LRPPRC: variants seen among roughly 807,000 people sequenced by gnomAD.
The protein encoded by LRPPRC is leucine rich pentatricopeptide repeat containing, also known as leucine-rich PPR motif-containing protein, mitochondrial.
A neutral mutation model predicts 180.3 loss-of-function variants in LRPPRC; 120 were observed. That is an observed-to-expected ratio of 0.67 (90% CI 0.57 to 0.77). The LOEUF is 0.77. LRPPRC is among the 30% of genes least tolerant of loss of function. LRPPRC has a pLI of 0.00. For synonymous variants in LRPPRC, 723 were observed against 600.0 expected (o/e 1.21, Z -3.00); for missense variants, 2,012 against 1,657.2 (o/e 1.21, Z -3.72).
At chr2:43,992,407 C>T (rs1045038472) in intron 1 of LRPPRC, among the ~76,000 whole-genome samples, 7 of 152,332 alleles carry the variant, frequency 4.6e-5, no homozygotes, top group African/African-American at 1.7e-4. Flanking sequence ...AAGTAGTAGT[C>T]TGGTACGGCT....
intron 23 of LRPPRC, among the ~76,000 whole-genome samples, chr2:43,941,212 T>G (rs1321045293): frequency 6.6e-6 from 1 of 152,170 alleles, no homozygotes; most frequent in Admixed American, 6.6e-5. Context: ...CTCCTGTGTT[T>G]TGTCCAATGC....
At position 43,975,983 on chromosome 2, in the gene LRPPRC, G is replaced by T. The variant is rs186421721; in HGVS notation, c.737+160C>A. Among the ~76,000 whole-genome samples, 4 of 152,266 alleles carry T rather than the reference G, an allele frequency of 2.6e-5. No homozygotes were observed. In the East Asian group the frequency reaches 5.8e-4, roughly 22 times the overall value. ...AGTATGCTCTACCTCATATACTACA[G>T]ATTTTTTTTTGAAGGGATAGACAAA... is the stretch of plus-strand genomic sequence containing the variant. On this transcript the variant is annotated intron_variant, in intron 6 of 37. Coordinates refer to ENST00000260665, the MANE Select transcript of LRPPRC (RefSeq NM_133259.4).
In LRPPRC at chr2:43,899,490, G is replaced by T. The variant is rs1670810579; in HGVS notation, c.3685C>A (p.Gln1229Lys). The T allele has an allele frequency of 2.5e-6, 4 of 1,613,926 alleles. No individual in the cohort carries two copies. The highest frequency in any genetic ancestry group is 1.3e-5 in the African/African-American group (1 of 74,912). Residue 1229 changes from glutamine (Q) to lysine (K), a missense_variant, in exon 33 of 38, where the codon CAG becomes AAG. By Grantham distance (53) the Gln-to-Lys change is moderately conservative. Transcript: ENST00000260665. Reference sequence around the variant, plus strand: ...CTCTTTTCAACTGCTGGTTCCAACTGCTCCTCTATTACTTTTCTGAATAAG... The same window carrying T: ...CTCTTTTCAACTGCTGGTTCCAACTTCTCCTCTATTACTTTTCTGAATAAG... ...AYLFRKVIEE[Q>K]LEPAVEKISI...
intron 1 of LRPPRC, among the ~76,000 whole-genome samples, chr2:43,989,061 A>T (rs557220631): frequency 6.6e-6 from 1 of 152,130 alleles, no homozygotes; most frequent in East Asian, 1.9e-4. Flanking sequence ...TTCTAGAGAC[A>T]GGAGTCTCAC....
In LRPPRC at chr2:43,922,874, A is replaced by T. The variant is rs538563990; in HGVS notation, c.2896+2193T>A. ...CTTCAGAAAGGAAAGGATTAGGGCT[A>T]TCATAACCAGATTATCCATTTATAA... On this transcript the variant is annotated intron_variant, in intron 27 of 37. Transcript: ENST00000260665. Among the ~76,000 whole-genome samples the T allele has an allele frequency of 3.9e-5, 6 of 152,360 alleles. No individual in the cohort carries two copies. In the East Asian group the frequency reaches 1.2e-3, roughly 29 times the overall value.
intron 26 of LRPPRC, 38 bp downstream of exon 26, chr2:43,925,855 A>G: frequency 1.4e-6 from 2 of 1,419,576 alleles, no homozygotes; most frequent in Non-Finnish European, 2.0e-6. Context: ...TTCTACTCAC[A>G]CTTTTAGGTG....
chr2:43,982,330 C>T lies in LRPPRC; in HGVS notation c.254G>A (p.Trp85Ter), dbSNP rs1453934366. 4 of 1,613,050 alleles carry T rather than the reference C, an allele frequency of 2.5e-6. No homozygotes were observed. The highest frequency in any genetic ancestry group is 3.4e-6 in the Non-Finnish European group (4 of 1,179,360). Residue 85 changes from tryptophan (W) to a stop codon, truncating the protein, a stop_gained, in exon 2 of 38, where the codon TGG (tryptophan) becomes TAG (stop). Transcript: ENST00000260665. LOFTEE classifies it high-confidence loss of function. ...SSRKISNQFD[W>*]ALMRLDLSVR... ...AGAAAGATCTAGTCTCATTAGAGCC[C>T]AATCAAACTGATTGGAAATCTTCCT... is the stretch of plus-strand genomic sequence containing the variant.
intron 29 of LRPPRC, among the ~76,000 whole-genome samples, chr2:43,912,830 G>C (rs780335287): frequency 2.0e-5 from 3 of 152,076 alleles, no homozygotes; most frequent in Non-Finnish European, 4.4e-5. Context: ...TTCTTAAGTT[G>C]ATACATTATT....
chr2:43,987,491 CAAAAA>C (rs34151335), intron 1 of LRPPRC, among the ~76,000 whole-genome samples: 23 of 75,928 alleles, frequency 3.0e-4, no homozygotes, highest in African/African-American at 1.2e-3. Flanking sequence ...CCAGACTCCT[CAAAAA>C]AAAAAAAAAA....
chr2:43,925,100 C>G lies in LRPPRC; in HGVS notation c.2863G>C (p.Asp955His). Residue 955 changes from aspartate (D) to histidine (H), a missense_variant, in exon 27 of 38, where the codon GAC becomes CAC. Transcript: ENST00000260665. The stretch of plus-strand genomic sequence containing the variant: ...TTTAGCAGATTGTAGTACATCTGGT[C>G]TCTATCACATTCAAATAGCTTCTGT... Reference protein sequence around the residue: ...LTQKLFECDRDQMYYNLLKLY... With the variant: ...LTQKLFECDRHQMYYNLLKLY... 6.3e-7 allele frequency: 1 copy of G among 1,598,342 alleles called. No homozygotes were observed. The highest frequency in any genetic ancestry group is 8.6e-7 in the Non-Finnish European group (1 of 1,165,734).
In LRPPRC at chr2:43,977,224, T is replaced by C. The variant is rs1572570826; in HGVS notation, c.522A>G (p.Gln174=). 1.9e-6 allele frequency: 3 copies of C among 1,599,900 alleles called. No homozygotes were observed. ...CAGTTGGTGAGAATTTATATTCATT[T>C]TGAAGATAGACTTTAAGTAAAGCAT... ...HYNALLKVYL[Q]NEYKFSPTDF... Residue 174 remains glutamine (Q), a synonymous_variant, in exon 4 of 38, where the codon CAA becomes CAG. Coordinates refer to ENST00000260665, the MANE Select transcript of LRPPRC (RefSeq NM_133259.4).
chr2:43,913,285 AC>A (rs1160373904), intron 29 of LRPPRC, among the ~76,000 whole-genome samples: 1 of 152,204 alleles, frequency 6.6e-6, no homozygotes, highest in Non-Finnish European at 1.5e-5. Context: ...CTGAAATAAA[AC>A]TGCCTGGCTA....
In LRPPRC at chr2:43,963,671, C is replaced by T. The variant is rs1673444830; in HGVS notation, c.1405G>A (p.Gly469Arg). The stretch of plus-strand genomic sequence containing the variant: ...TATGTTTCCTGATCAGGATGTACTC[C>T]CAATTCTTGCATTCCTTTGAGGATT... ...IEILKGMQEL[G>R]VHPDQETYTD... The change falls in exon 12 of 38, where the codon GGA becomes AGA. Residue 469 changes from glycine to arginine, a missense_variant. Gly to Arg is a moderately radical substitution (Grantham distance 125). Transcript: ENST00000260665. 1 of 1,606,072 alleles carries T rather than the reference C, an allele frequency of 6.2e-7. No individual in the cohort carries two copies. The highest frequency in any genetic ancestry group is 1.7e-5 in the Admixed American group (1 of 59,976).
intron 29 of LRPPRC, among the ~76,000 whole-genome samples, chr2:43,917,616 CAT>C (rs914000471): frequency 1.3e-5 from 2 of 151,924 alleles, no homozygotes; most frequent in Admixed American, 1.3e-4. Context: ...AGTGAAGCCC[CAT>C]CTCTACTACA....
At chr2:43,973,929 G>A (rs781190400) in intron 9 of LRPPRC, 29 bp from the exon 10 acceptor site, 5 of 1,367,446 alleles carry the variant, frequency 3.7e-6, no homozygotes, top group Non-Finnish European at 5.2e-6. Flanking sequence ...CACATTAGCT[G>A]GATTGGCAAA....
intron 23 of LRPPRC, among the ~76,000 whole-genome samples, chr2:43,942,214 T>C (rs1001817347): frequency 6.6e-6 from 1 of 152,190 alleles, no homozygotes; most frequent in African/African-American, 2.4e-5. Flanking sequence ...ATTTTCATTG[T>C]TAATTATTTT....
intron 3 of LRPPRC, among the ~76,000 whole-genome samples, chr2:43,979,177 C>T (rs1189090494): frequency 6.6e-6 from 1 of 151,944 alleles, no homozygotes; most frequent in Non-Finnish European, 1.5e-5. Flanking sequence ...ATAAAAAGGT[C>T]AAGTAAAACC....
chr2:43,981,234 T>C (rs1189661626), intron 2 of LRPPRC, among the ~76,000 whole-genome samples: 1 of 152,184 alleles, frequency 6.6e-6, no homozygotes, highest in Non-Finnish European at 1.5e-5. Flanking sequence ...CTGTCTTATA[T>C]GATCATCTTA....
Position 43,960,529 on chromosome 2 carries a change from T to C in LRPPRC, c.1582+12A>G, listed in dbSNP as rs371686948. 1.4e-6 allele frequency: 2 copies of C among 1,387,164 alleles called. No individual in the cohort carries two copies. Among genetic ancestry groups the C allele is most frequent in the South Asian group, 1.2e-5 (1 of 86,616 alleles). The allele number at this position is 1,387,164 out of a possible 1,614,324, so 85.9% of individuals were successfully genotyped here. A position where few individuals can be genotyped will look rare whatever the true frequency, so the allele number is the denominator to read the frequency against. ...ACATCTATCAAGTTTACCGCTAATG[T>C]TGTATACTTACAAAATGATAATACA... On this transcript the variant is annotated intron_variant, in intron 13 of 37. Transcript: ENST00000260665.
Sources: allele counts gnomAD v4.1 joint callset (sites outside exome capture counted in the v4.1 genomes callset), GRCh38; gene constraint gnomAD v4.1.1; transcripts MANE v1.5; gene names NCBI Gene and HGNC (gene_info 2026-07-23, HGNC 2026-07-21).